IMMP2L: variants seen among roughly 807,000 people sequenced by gnomAD.
IMMP2L encodes inner mitochondrial membrane peptidase subunit 2.
In IMMP2L, 18 loss-of-function variants were observed where a neutral mutation model predicts 19.3. That is an observed-to-expected ratio of 0.93 (90% CI 0.64 to 1.38). The LOEUF is 1.38. IMMP2L is among the 40% of genes most tolerant of loss of function. The probability of loss-of-function intolerance (pLI) is 0.00; values close to 1 mark genes in which losing one functional copy is unlikely to be tolerated. For synonymous variants in IMMP2L, 76 were observed against 73.0 expected (o/e 1.04, Z -0.21); for missense variants, 233 against 218.2 (o/e 1.07, Z -0.43).
At chr7:111,118,528 G>C (rs1800169017) in intron 3 of IMMP2L, among the ~76,000 whole-genome samples, 1 of 151,934 alleles carries the variant, frequency 6.6e-6, no homozygotes, top group Admixed American at 6.6e-5. Flanking sequence ...TTGTTGTGTG[G>C]TATCAGGCAG....
intron 3 of IMMP2L, among the ~76,000 whole-genome samples, chr7:111,235,878 A>T (rs1331946739): frequency 6.6e-6 from 1 of 151,688 alleles, no homozygotes; most frequent in Non-Finnish European, 1.5e-5. Flanking sequence ...ATTAGCCATT[A>T]TTCTCTCTGT....
intron 3 of IMMP2L, among the ~76,000 whole-genome samples, chr7:111,063,794 C>T (rs374167338): frequency 6.6e-6 from 1 of 152,180 alleles, no homozygotes; most frequent in Non-Finnish European, 1.5e-5. Context: ...CAGTTCCCAA[C>T]AAGTTCCTCA....
At chr7:110,987,150 T>C (rs1821948466) in intron 3 of IMMP2L, among the ~76,000 whole-genome samples, 1 of 152,144 alleles carries the variant, frequency 6.6e-6, no homozygotes, top group African/African-American at 2.4e-5. Flanking sequence ...GGTACTAACT[T>C]AAAATTCAAG....
intron 5 of IMMP2L, among the ~76,000 whole-genome samples, chr7:110,786,104 AAG>A (rs1800058101): frequency 6.6e-6 from 1 of 151,972 alleles, no homozygotes; most frequent in East Asian, 1.9e-4. Flanking sequence ...AAATATTATA[AAG>A]AGTCTTTTAA....
chr7:111,346,051 T>G (rs1235617806), intron 3 of IMMP2L, among the ~76,000 whole-genome samples: 1 of 152,190 alleles, frequency 6.6e-6, no homozygotes, highest in Non-Finnish European at 1.5e-5. Context: ...GTTATTTCAA[T>G]TACCTAACCA....
At chr7:110,927,341 G>A (rs1183110984) in intron 4 of IMMP2L, among the ~76,000 whole-genome samples, 2 of 152,066 alleles carry the variant, frequency 1.3e-5, no homozygotes, top group Non-Finnish European at 2.9e-5. Flanking sequence ...GCATAATAAT[G>A]GCTCCCCAAA....
intron 1 of IMMP2L, among the ~76,000 whole-genome samples, chr7:111,538,556 T>C (rs1002776010): frequency 6.6e-6 from 1 of 151,158 alleles, no homozygotes; most frequent in Non-Finnish European, 1.5e-5. Flanking sequence ...TCCCAGCACT[T>C]TGGAGGCCAA....
intron 5 of IMMP2L, among the ~76,000 whole-genome samples, chr7:110,770,089 G>A (rs1012204189): frequency 6.6e-6 from 1 of 152,076 alleles, no homozygotes; most frequent in Non-Finnish European, 1.5e-5. Flanking sequence ...TGATTACAAT[G>A]GTTTCCTGAT....
chr7:111,029,432 A>G lies in IMMP2L; in HGVS notation c.240-65867T>C, dbSNP rs1438937470. ...TGGAAACATAAAAAGGTCAAGTGAC[A>G]TATTTAGATCAAACTATTAGTAAGC... On this transcript the variant is annotated intron_variant, in intron 3 of 5. Coordinates refer to ENST00000405709, the MANE Select transcript of IMMP2L (RefSeq NM_032549.4). Among the ~76,000 whole-genome samples the G allele has an allele frequency of 2.0e-5, 3 of 152,214 alleles. No homozygotes were observed. The East Asian group carries it at 5.8e-4, about 29-fold the overall frequency.
intron 4 of IMMP2L, among the ~76,000 whole-genome samples, chr7:110,927,862 C>T (rs1815029629): frequency 6.6e-6 from 1 of 152,072 alleles, no homozygotes; most frequent in South Asian, 2.1e-4. Context: ...AGAAGGCTTT[C>T]TTACACATTA....
chr7:111,008,661 T>C (rs1183686791), intron 3 of IMMP2L, among the ~76,000 whole-genome samples: 1 of 151,816 alleles, frequency 6.6e-6, no homozygotes, highest in African/African-American at 2.4e-5. Flanking sequence ...AAAAAAAATC[T>C]GTAATTTTCA....
chr7:111,077,176 T>C (rs537964594), intron 3 of IMMP2L, among the ~76,000 whole-genome samples: 72 of 152,256 alleles, frequency 4.7e-4, no homozygotes, highest in Non-Finnish European at 8.4e-4. Context: ...TGACTACTTC[T>C]TGGAATTTCT....
chr7:111,012,600 G>A (rs1012934428), intron 3 of IMMP2L, among the ~76,000 whole-genome samples: 1 of 152,104 alleles, frequency 6.6e-6, no homozygotes, highest in African/African-American at 2.4e-5. Context: ...CAGAAATTAT[G>A]TTTTAGAAGG....
intron 3 of IMMP2L, among the ~76,000 whole-genome samples, chr7:111,234,180 G>A (rs2129625667): frequency 6.6e-6 from 1 of 152,010 alleles, no homozygotes; most frequent in East Asian, 1.9e-4. Flanking sequence ...CTTAACCTAT[G>A]GGTTATTTAG....
At chr7:110,735,330 C>T (rs538612305) in intron 5 of IMMP2L, among the ~76,000 whole-genome samples, 1 of 152,026 alleles carries the variant, frequency 6.6e-6, no homozygotes, top group Admixed American at 6.6e-5. Flanking sequence ...TTCCAGGACC[C>T]CTCTCTGTAG....
In IMMP2L at chr7:110,987,694, C is replaced by A. The variant is rs1743227881; in HGVS notation, c.240-24129G>T. Among the ~76,000 whole-genome samples the A allele has an allele frequency of 1.3e-5, 2 of 152,184 alleles. 1 individual carries two copies. The highest frequency in any genetic ancestry group is 4.1e-4 in the South Asian group (2 of 4,836). Reference sequence around the variant, plus strand: ...GCTCATATGAACTGTACACTGCCAACAGATGGGTACAGTGTGCAGGTGTCG... The same window carrying A: ...GCTCATATGAACTGTACACTGCCAAAAGATGGGTACAGTGTGCAGGTGTCG... On this transcript the variant is annotated intron_variant, in intron 3 of 5. Coordinates refer to ENST00000405709, the MANE Select transcript of IMMP2L (RefSeq NM_032549.4).
chr7:110,906,202 T>C (rs1178382658), intron 4 of IMMP2L, among the ~76,000 whole-genome samples: 1 of 152,232 alleles, frequency 6.6e-6, no homozygotes, highest in Non-Finnish European at 1.5e-5. Flanking sequence ...ATATATTTAA[T>C]TACACTAGAT....
At chr7:110,952,153 A>C (rs376059657) in intron 4 of IMMP2L, among the ~76,000 whole-genome samples, 1 of 152,258 alleles carries the variant, frequency 6.6e-6, no homozygotes, top group African/African-American at 2.4e-5. Flanking sequence ...GAGAAAAAAA[A>C]CATAAATTAA....
chr7:111,256,107 A>T (rs1816670301), intron 3 of IMMP2L, among the ~76,000 whole-genome samples: 1 of 152,080 alleles, frequency 6.6e-6, no homozygotes, highest in African/African-American at 2.4e-5. Context: ...ATTTTTATTT[A>T]AAACAAAAGA....
Sources: gnomAD v4.1 joint callset for allele counts (sites outside exome capture counted in the v4.1 genomes callset) on GRCh38, gnomAD v4.1.1 for gene constraint, MANE v1.5 for transcripts, NCBI Gene and HGNC (gene_info 2026-07-23, HGNC 2026-07-21) for gene names.